Variants in CSMD3 observed in about 807,000 individuals in gnomAD.
CSMD3 encodes CUB and Sushi multiple domains 3.
Under a neutral mutation model 435.2 loss-of-function variants are expected in CSMD3, and 177 were observed. The observed-to-expected ratio is 0.41, with a 90% CI of 0.36 to 0.46. CSMD3 has a LOEUF of 0.46. CSMD3 is among the 20% of genes least tolerant of loss of function. The pLI is 0.34. For synonymous variants in CSMD3, 1,656 were observed against 1,520.5 expected (o/e 1.09, Z -2.07); for missense variants, 4,265 against 4,504.6 (o/e 0.95, Z 1.52).
At chr8:113,153,830 G>C (rs2091880861) in intron 4 of CSMD3, among the ~76,000 whole-genome samples, 1 of 151,874 alleles carries the variant, frequency 6.6e-6, no homozygotes, top group South Asian at 2.1e-4. Flanking sequence ...GGTAAAAAAT[G>C]TATGCCATTT....
chr8:113,371,705 T>A (rs1391221459), intron 1 of CSMD3, among the ~76,000 whole-genome samples: 1 of 152,112 alleles, frequency 6.6e-6, no homozygotes, highest in Non-Finnish European at 1.5e-5. Flanking sequence ...AATTACAGAC[T>A]GTGTCTTTAA....
intron 24 of CSMD3, among the ~76,000 whole-genome samples, chr8:112,567,638 A>G (rs1418300874): frequency 6.6e-6 from 1 of 152,170 alleles, no homozygotes; most frequent in African/African-American, 2.4e-5. Context: ...TTAGAGAGAG[A>G]GTAAAATACA....
chr8:113,269,709 G>A (rs1464275835), intron 3 of CSMD3, among the ~76,000 whole-genome samples: 1 of 151,998 alleles, frequency 6.6e-6, no homozygotes. Context: ...AGAAGAAATG[G>A]GGAAAGGATT....
At chr8:113,324,223 G>A (rs146949819) in intron 1 of CSMD3, among the ~76,000 whole-genome samples, 12 of 152,290 alleles carry the variant, frequency 7.9e-5, no homozygotes, top group African/African-American at 1.4e-4. Context: ...CATAAGTTAC[G>A]TGGAAAGAAT....
At chr8:112,231,089 A>C (rs2129880768) in intron 69 of CSMD3, among the ~76,000 whole-genome samples, 1 of 152,288 alleles carries the variant, frequency 6.6e-6, no homozygotes, top group Non-Finnish European at 1.5e-5. Flanking sequence ...AGTCCCCAAA[A>C]GGGGCCCATT....
chr8:113,242,087 T>C (rs926459730), intron 3 of CSMD3, among the ~76,000 whole-genome samples: 2 of 151,588 alleles, frequency 1.3e-5, no homozygotes, highest in African/African-American at 4.8e-5. Flanking sequence ...TAATGTCTTA[T>C]AAAATTAAAA....
chr8:112,653,585 A>G (rs998459369), intron 18 of CSMD3, among the ~76,000 whole-genome samples: 1 of 152,132 alleles, frequency 6.6e-6, no homozygotes, highest in African/African-American at 2.4e-5. Flanking sequence ...TAGAAATAAA[A>G]ATAAATTATA....
intron 13 of CSMD3, among the ~76,000 whole-genome samples, chr8:112,782,191 C>G (rs1475389194): frequency 6.6e-6 from 1 of 150,488 alleles, no homozygotes; most frequent in Admixed American, 6.6e-5. Context: ...CAAGATAACA[C>G]AGAGAAGGAA....
intron 4 of CSMD3, among the ~76,000 whole-genome samples, chr8:113,152,016 G>T (rs567569669): frequency 6.6e-6 from 1 of 152,050 alleles, no homozygotes; most frequent in African/African-American, 2.4e-5. Context: ...TTACATGGGG[G>T]TTTTTAGAGT....
rs1829558096 is a variant in CSMD3 at position 112,382,437 on chromosome 8, T to C, written c.6031+1130A>G. Among the ~76,000 whole-genome samples, 4 of 152,298 alleles carry C rather than the reference T, an allele frequency of 2.6e-5. No individual in the cohort carries two copies. The South Asian group carries it at 8.3e-4, about 32-fold the overall frequency. Reference sequence around the variant, plus strand: ...CATGTTTAAATCAAATCACTCTTGCTCCAGATATTTCTTTCTTTTCCTCAT... The same window carrying C: ...CATGTTTAAATCAAATCACTCTTGCCCCAGATATTTCTTTCTTTTCCTCAT... On this transcript the variant is annotated intron_variant, in intron 37 of 70. Transcript: ENST00000297405.
chr8:112,631,343 T>G (rs2074508926), intron 22 of CSMD3, among the ~76,000 whole-genome samples: 1 of 152,114 alleles, frequency 6.6e-6, no homozygotes, highest in Admixed American at 6.6e-5. Flanking sequence ...TCAAACCATG[T>G]GGCCTCAAAG....
chr8:112,813,124 G>A (rs761811833), intron 12 of CSMD3, among the ~76,000 whole-genome samples: 4 of 152,106 alleles, frequency 2.6e-5, no homozygotes, highest in African/African-American at 4.8e-5. Flanking sequence ...TTGGTGTGGC[G>A]GCTGACCACA....
Position 112,656,345 on chromosome 8 carries a change from A to T in CSMD3, c.2817-4T>A, listed in dbSNP as rs1371137421. ...ATAATTCAGTTCAGTCTGAAATCTAAGATTAAAAGACACATGTGAAAATAT... is the reference window on the plus strand; with the variant it reads ...ATAATTCAGTTCAGTCTGAAATCTATGATTAAAAGACACATGTGAAAATAT... On this transcript the variant is annotated splice_region_variant and splice_polypyrimidine_tract_variant and intron_variant, in intron 17 of 70. Transcript: ENST00000297405. 1.2e-6 allele frequency: 2 copies of T among 1,604,358 alleles called. No homozygotes were observed. Among genetic ancestry groups the T allele is most frequent in the East Asian group, 4.5e-5 (2 of 44,690 alleles).
intron 3 of CSMD3, among the ~76,000 whole-genome samples, chr8:113,233,546 T>C (rs1486930574): frequency 6.6e-6 from 1 of 151,046 alleles, no homozygotes; most frequent in Non-Finnish European, 1.5e-5. Flanking sequence ...TTACATGATA[T>C]AATAAGAAGC....
intron 32 of CSMD3, among the ~76,000 whole-genome samples, chr8:112,455,358 G>A (rs1366531758): frequency 6.6e-6 from 1 of 151,750 alleles, no homozygotes; most frequent in Non-Finnish European, 1.5e-5. Context: ...AATACCACAT[G>A]TTCTCACTTG....
intron 47 of CSMD3, among the ~76,000 whole-genome samples, chr8:112,315,685 T>A (rs984533628): frequency 6.6e-6 from 1 of 151,824 alleles, no homozygotes; most frequent in South Asian, 2.1e-4. Context: ...GACTGGACTA[T>A]CTTTTGGGTG....
At chr8:112,591,699 G>T (rs1831206179) in intron 22 of CSMD3, among the ~76,000 whole-genome samples, 1 of 151,980 alleles carries the variant, frequency 6.6e-6, no homozygotes, top group Non-Finnish European at 1.5e-5. Context: ...GTAGCATTAA[G>T]CAGAAATATA....
At chr8:112,465,220 C>T (rs985685120) in intron 32 of CSMD3, among the ~76,000 whole-genome samples, 1 of 152,120 alleles carries the variant, frequency 6.6e-6, no homozygotes, top group African/African-American at 2.4e-5. Context: ...TGGTGAATTA[C>T]TGCAACTTTC....
chr8:113,048,213 T>C (rs73351663), intron 5 of CSMD3, among the ~76,000 whole-genome samples: 102,012 of 151,634 alleles, frequency 0.67, 35,915 homozygotes, highest in East Asian at 0.95. Flanking sequence ...CTGCCTCAGC[T>C]TTCGGAGTAG....
Sources: allele counts gnomAD v4.1 joint callset (sites outside exome capture counted in the v4.1 genomes callset), GRCh38; gene constraint gnomAD v4.1.1; transcripts MANE v1.5; gene names NCBI Gene and HGNC (gene_info 2026-07-23, HGNC 2026-07-21).